Variants in PPP1R2 observed in about 807,000 individuals in gnomAD.
The protein encoded by PPP1R2 is protein phosphatase inhibitor 2.
A neutral mutation model predicts 29.9 loss-of-function variants in PPP1R2; 16 were observed. The observed-to-expected ratio is 0.53, with a 90% confidence interval of 0.36 to 0.81. The LOEUF is 0.81. Ranked by LOEUF, PPP1R2 falls within the 30% of genes least tolerant of loss-of-function variation. PPP1R2 has a pLI of 0.00. For synonymous variants in PPP1R2, 76 were observed against 91.5 expected (o/e 0.83, Z 0.96); for missense variants, 197 against 252.7 (o/e 0.78, Z 1.49).
In PPP1R2 at chr3:195,523,790, T is replaced by G; in HGVS notation, c.309-4A>C. On this transcript the variant is annotated splice_region_variant and splice_polypyrimidine_tract_variant and intron_variant, in intron 3 of 5. Coordinates refer to ENST00000618156, the MANE Select transcript of PPP1R2 (RefSeq NM_006241.8). ...CAAGCCTTCAGCTGCAGCTAATCTATGCAACAATCATGTACAAAGAAATTA... is the reference window on the plus strand; with the variant it reads ...CAAGCCTTCAGCTGCAGCTAATCTAGGCAACAATCATGTACAAAGAAATTA... 1 of 1,611,982 alleles carries G rather than the reference T, an allele frequency of 6.2e-7. No homozygotes were observed. The highest frequency in any genetic ancestry group is 8.5e-7 in the Non-Finnish European group (1 of 1,178,118).
intron 5 of PPP1R2, among the ~76,000 whole-genome samples, chr3:195,518,693 A>T (rs1266640945): frequency 6.6e-6 from 1 of 152,156 alleles, no homozygotes; most frequent in Non-Finnish European, 1.5e-5. Context: ...TAAATTTTAG[A>T]TCGTTATGAC....
In PPP1R2 at chr3:195,516,866, C is replaced by A. The variant is rs749346663; in HGVS notation, c.*30G>T. 6 of 1,597,670 alleles carry A rather than the reference C, an allele frequency of 3.8e-6. No individual in the cohort carries two copies. The highest frequency in any genetic ancestry group is 4.5e-5 in the East Asian group (2 of 44,712). ...CTATAGTCACAGGGTTTACATCTAA[C>A]AAACAATTGCAGTGTTGAACAAATC... On this transcript the variant is annotated 3_prime_UTR_variant, in exon 6 of 6. Transcript: ENST00000618156.
At chr3:195,527,724 T>C (rs1719023925) in intron 2 of PPP1R2, 6 of 168,620 alleles carry the variant, frequency 3.6e-5, no homozygotes, top group Non-Finnish European at 5.2e-5. Flanking sequence ...ATTTTAGAAG[T>C]TGGGCACGGT....
At chr3:195,537,753 C>T (rs1719450380) in intron 1 of PPP1R2, among the ~76,000 whole-genome samples, 1 of 151,986 alleles carries the variant, frequency 6.6e-6, no homozygotes, top group Non-Finnish European at 1.5e-5. Context: ...CAAAGTCTCA[C>T]TCAACTTGTT....
At chr3:195,539,980 C>T (rs1313526049) in intron 1 of PPP1R2, among the ~76,000 whole-genome samples, 3 of 152,120 alleles carry the variant, frequency 2.0e-5, no homozygotes, top group African/African-American at 4.8e-5. Flanking sequence ...GTAATATTTA[C>T]GTAAAATAAC....
Position 195,543,244 on chromosome 3 carries a change from CT to C in PPP1R2, c.-220del. The C allele has an allele frequency of 1.9e-6, 1 of 530,580 alleles. No individual in the cohort carries two copies. The highest frequency in any genetic ancestry group is 3.1e-6 in the Non-Finnish European group (1 of 320,562). The allele number at this position is 530,580 out of a possible 1,614,324, so 32.9% of individuals were successfully genotyped here. A position where few individuals can be genotyped will look rare whatever the true frequency, so the allele number is the denominator to read the frequency against. On this transcript the variant is annotated 5_prime_UTR_variant, in exon 1 of 6. Coordinates refer to ENST00000618156, the MANE Select transcript of PPP1R2 (RefSeq NM_006241.8). ...AACGGGTGGCGGCTACTCGCGCACC[CT>C]TAGCCACTGGCACTTGACCCGCGGC... is the stretch of plus-strand genomic sequence containing the variant.
chr3:195,522,628 T>C (rs1208397833), intron 4 of PPP1R2, among the ~76,000 whole-genome samples: 3 of 152,170 alleles, frequency 2.0e-5, no homozygotes, highest in Non-Finnish European at 2.9e-5. Context: ...GGAAAATAAA[T>C]GGAAAGTCAC....
intron 2 of PPP1R2, among the ~76,000 whole-genome samples, chr3:195,526,035 T>A (rs1209768357): frequency 6.6e-6 from 1 of 152,174 alleles, no homozygotes; most frequent in Non-Finnish European, 1.5e-5. Context: ...ACTTCTTGTA[T>A]ACTAACTGTG....
At chr3:195,541,929 C>T (rs1719613934) in intron 1 of PPP1R2, among the ~76,000 whole-genome samples, 3 of 152,162 alleles carry the variant, frequency 2.0e-5, no homozygotes, top group African/African-American at 4.8e-5. Context: ...TAAATAAGAT[C>T]CTTTATCCAG....
intron 3 of PPP1R2, among the ~76,000 whole-genome samples, chr3:195,524,137 G>A (rs1468347400): frequency 6.6e-6 from 1 of 151,980 alleles, no homozygotes; most frequent in Non-Finnish European, 1.5e-5. Context: ...GACAAGAACA[G>A]TGGAATGGGT....
At chr3:195,526,356 C>CT (rs1267861012) in intron 2 of PPP1R2, among the ~76,000 whole-genome samples, 6 of 151,988 alleles carry the variant, frequency 3.9e-5, no homozygotes, top group Admixed American at 3.9e-4. Context: ...CCTCAGCCTC[C>CT]TAAAGTGCTG....
chr3:195,543,065 G>A lies in PPP1R2; in HGVS notation c.-40C>T. 1.3e-6 allele frequency: 2 copies of A among 1,579,636 alleles called. No homozygotes were observed. Among genetic ancestry groups the A allele is most frequent in the South Asian group, 2.3e-5 (2 of 86,922 alleles). ...GCTGTCGGCTCAGGGTCGCTGCTTG[G>A]CGTGGGGTCCGCGAAGAGAAGGGTC... On this transcript the variant is annotated 5_prime_UTR_variant, in exon 1 of 6. Transcript: ENST00000618156.
At chr3:195,519,917 T>TA (rs35492316) in intron 4 of PPP1R2, among the ~76,000 whole-genome samples, 89 of 145,594 alleles carry the variant, frequency 6.1e-4, no homozygotes, top group Admixed American at 1.3e-3. Context: ...ATCAGAAAAT[T>TA]AAAAAAAAAA....
intron 1 of PPP1R2, among the ~76,000 whole-genome samples, chr3:195,533,205 C>A (rs1316079502): frequency 6.6e-6 from 1 of 152,038 alleles, no homozygotes; most frequent in Admixed American, 6.6e-5. Flanking sequence ...AAAAATTAGG[C>A]ATGGTGGCTT....
chr3:195,533,788 A>T (rs73071743), intron 1 of PPP1R2, among the ~76,000 whole-genome samples: 13,561 of 152,256 alleles, frequency 0.089, 1,155 homozygotes, highest in East Asian at 0.39. Flanking sequence ...ATGTGAGTGC[A>T]GGATTGTACA....
At chr3:195,537,481 T>TTGTGTGTGTGTGTG (rs71180930) in intron 1 of PPP1R2, among the ~76,000 whole-genome samples, 3,222 of 128,506 alleles carry the variant, frequency 0.025, 70 homozygotes, top group Admixed American at 0.064. Flanking sequence ...GGATTAGCTA[T>TTGTGTGTGTGTGTG]TGTGTGTGTG....
intron 5 of PPP1R2, among the ~76,000 whole-genome samples, chr3:195,518,069 TTGTA>T (rs946275047): frequency 4.6e-5 from 7 of 152,128 alleles, no homozygotes. Flanking sequence ...AGTATGAAGT[TTGTA>T]AGTACAAGGA....
At chr3:195,540,315 G>A (rs1719546988) in intron 1 of PPP1R2, among the ~76,000 whole-genome samples, 1 of 152,078 alleles carries the variant, frequency 6.6e-6, no homozygotes, top group Non-Finnish European at 1.5e-5. Context: ...TCCTTTTCGT[G>A]GCCTATTTAG....
chr3:195,538,164 T>C (rs1413856153), intron 1 of PPP1R2, among the ~76,000 whole-genome samples: 2 of 152,220 alleles, frequency 1.3e-5, no homozygotes, highest in African/African-American at 4.8e-5. Context: ...CCCCACCCTC[T>C]TGGGTGACTG....
Sources: allele counts gnomAD v4.1 joint callset (sites outside exome capture counted in the v4.1 genomes callset), GRCh38; gene constraint gnomAD v4.1.1; transcripts MANE v1.5; gene names NCBI Gene and HGNC (gene_info 2026-07-23, HGNC 2026-07-21).